CPSF4L: variants seen among roughly 807,000 people sequenced by gnomAD.
The protein encoded by CPSF4L is putative cleavage and polyadenylation specificity factor subunit 4-like protein.
CPSF4L carries 18 observed loss-of-function variants against 24.0 expected under a neutral mutation model. That is an observed-to-expected ratio of 0.75 (90% CI 0.52 to 1.11). The LOEUF (loss-of-function observed/expected upper bound fraction) is 1.11, where lower values mean the gene tolerates loss of function less well. Ranked by LOEUF, CPSF4L falls within the 50% of genes least tolerant of loss-of-function variation. The pLI, the probability that CPSF4L is intolerant of heterozygous loss-of-function variation, is 0.00. For missense variants in CPSF4L, 211 were observed against 221.8 expected (o/e 0.95, Z 0.31); for synonymous variants, 72 against 77.2 (o/e 0.93, Z 0.35).
At chr17:73,248,680 A>G (rs1476067568) in intron 5 of CPSF4L, 144 bp from the exon 6 acceptor site, 2 of 839,220 alleles carry the variant, frequency 2.4e-6, no homozygotes, top group African/African-American at 1.7e-5. Flanking sequence ...TGTTACTACA[A>G]GTTGGGAATA....
chr17:73,242,386 A>C, the CPSF4L span: 6 of 1,403,590 alleles, frequency 4.3e-6, no homozygotes, highest in Non-Finnish European at 5.8e-6. Context: ...CTTCTGTTGC[A>C]GGTTCTGGGC....
rs371092902 is a variant in CPSF4L, at chr17:73,252,758, G to A, written c.404-35C>T. 155 of 1,438,736 alleles carry A rather than the reference G, an allele frequency of 1.1e-4. No individual in the cohort carries two copies. In the African/African-American group the frequency reaches 1.9e-3, roughly 17 times the overall value. 89.1% of individuals were successfully genotyped at this position (1,438,736 alleles called of 1,614,324 possible). A position where few individuals can be genotyped will look rare whatever the true frequency, so the allele number is the denominator to read the frequency against. ...AAAGAGAAAGTGATGAGAAGGATCC[G>A]CTTCAGCAAGAGGGGAAAACACACA... On this transcript the variant is annotated intron_variant, in intron 4 of 5. Coordinates refer to ENST00000344935, the MANE Select transcript of CPSF4L (RefSeq NM_001129885.1).
chr17:73,249,410 G>A (rs948505414), intron 5 of CPSF4L, among the ~76,000 whole-genome samples: 7 of 152,194 alleles, frequency 4.6e-5, no homozygotes, highest in Non-Finnish European at 1.0e-4. Flanking sequence ...GAGGTAGAGT[G>A]ATTTGCCTAC....
At chr17:73,250,182 T>C (rs2061999025) in intron 5 of CPSF4L, 1 of 1,503,216 alleles carries the variant, frequency 6.7e-7, no homozygotes, top group Non-Finnish European at 9.0e-7. Flanking sequence ...ACTGTGGAAC[T>C]TGGGAAACAG....
chr17:73,251,776 C>T (rs1055767717), intron 5 of CPSF4L, among the ~76,000 whole-genome samples: 2 of 152,224 alleles, frequency 1.3e-5, no homozygotes, highest in Non-Finnish European at 2.9e-5. Flanking sequence ...TGTAGTTTAC[C>T]AACCCCTGAC....
At chr17:73,254,423 G>A (rs2062016736) in intron 3 of CPSF4L, among the ~76,000 whole-genome samples, 1 of 152,190 alleles carries the variant, frequency 6.6e-6, no homozygotes, top group Non-Finnish European at 1.5e-5. Flanking sequence ...AACCCATGCT[G>A]CCTGCAGAGC....
chr17:73,242,330 C>T, the CPSF4L span: 3 of 1,595,002 alleles, frequency 1.9e-6, no homozygotes, highest in African/African-American at 2.7e-5. Flanking sequence ...TCTAATGAGG[C>T]TCTTGGGAGC....
Position 73,251,145 on chromosome 17 carries a change from G to A in CPSF4L, c.497+1485C>T, listed in dbSNP as rs1027851142. On this transcript the variant is annotated intron_variant, in intron 5 of 5. Coordinates refer to ENST00000344935, the MANE Select transcript of CPSF4L (RefSeq NM_001129885.1). ...CGTGAGAAAACACCTACTGCAGATA[G>A]TCCCTGTGTGCAGACACCAACTTCA... The A allele has an allele frequency of 4.7e-6, 7 of 1,497,826 alleles. No homozygotes were observed. In the African/African-American group the frequency reaches 9.7e-5, roughly 21 times the overall value. The allele number at this position is 1,497,826 out of a possible 1,614,324, so 92.8% of individuals were successfully genotyped here. A position where few individuals can be genotyped will look rare whatever the true frequency, so the allele number is the denominator to read the frequency against.
At chr17:73,242,192 A>G in the CPSF4L span, 7 of 1,230,050 alleles carry the variant, frequency 5.7e-6, no homozygotes, top group South Asian at 1.3e-5. Flanking sequence ...GATGTTAGGG[A>G]AGGGGGTACG....
downstream of CPSF4L, chr17:73,245,628 C>A (rs75842383): frequency 1.1e-3 from 1,088 of 985,276 alleles, 15 homozygotes; most frequent in East Asian, 0.022. Context: ...GAAAATAAGC[C>A]CACATCAGGC....
chr17:73,258,402 T>C (rs1436428830), intron 2 of CPSF4L, among the ~76,000 whole-genome samples: 1 of 151,946 alleles, frequency 6.6e-6, no homozygotes, highest in Non-Finnish European at 1.5e-5. Context: ...ACCTCCCAGG[T>C]TCAAGTGATC....
chr17:73,261,662 A>C, intron 1 of CPSF4L, 54 bp downstream of exon 1: 3 of 1,266,586 alleles, frequency 2.4e-6, no homozygotes, highest in Non-Finnish European at 3.4e-6. Context: ...CTCCGTCTCA[A>C]AGAAAAAAAA....
Position 73,261,724 on chromosome 17 carries a change from C to A in CPSF4L, c.95G>T (p.Gly32Val). ...QKGTGLLPFQ[G>V]MDKSASAVCN... ...GCCCCACCCTCACTCACTGTCCATG[C>A]CCTGGAAAGGCAGGAGCCCAGTGCC... Residue 32 changes from glycine (G) to valine (V), a missense_variant, in exon 1 of 6, where the codon GGC (glycine) becomes GTC (valine). Gly to Val is a moderately radical substitution (Grantham distance 109, BLOSUM62 -3). Coordinates refer to ENST00000344935, the MANE Select transcript of CPSF4L (RefSeq NM_001129885.1). The A allele has an allele frequency of 1.3e-6, 2 of 1,549,740 alleles. No individual in the cohort carries two copies. The highest frequency in any genetic ancestry group is 8.7e-7 in the Non-Finnish European group (1 of 1,145,216).
intron 5 of CPSF4L, chr17:73,250,345 C>G: frequency 1.3e-6 from 2 of 1,549,360 alleles, no homozygotes; most frequent in Non-Finnish European, 1.7e-6. Flanking sequence ...TTTGTAAATT[C>G]AGATTTCTAA....
upstream of CPSF4L, among the ~76,000 whole-genome samples, chr17:73,263,678 G>A (rs901963936): frequency 1.3e-5 from 2 of 151,390 alleles, no homozygotes; most frequent in African/African-American, 4.9e-5. Flanking sequence ...GGCCAGCTTT[G>A]GGGGGAAGTG....
chr17:73,261,086 G>C, intron 1 of CPSF4L, 103 bp from the exon 2 acceptor site: 1 of 945,776 alleles, frequency 1.1e-6, no homozygotes. Context: ...CCTCCCCCAG[G>C]CTCTGGCCTA....
At chr17:73,255,122 C>T (rs1325703795) in intron 3 of CPSF4L, among the ~76,000 whole-genome samples, 2 of 152,062 alleles carry the variant, frequency 1.3e-5, no homozygotes, top group Non-Finnish European at 2.9e-5. Flanking sequence ...AGCGTCGTAG[C>T]GTCTATTCCA....
downstream of CPSF4L, chr17:73,248,169 T>C (rs7218121): frequency 0.026 from 7,680 of 291,356 alleles, 401 homozygotes; most frequent in African/African-American, 0.12. Flanking sequence ...AAAATTCCTA[T>C]CAGTTCATTT....
At chr17:73,245,505 C>T (rs2291846), downstream of CPSF4L, 523,495 of 984,986 alleles carry the variant, frequency 0.53, 139,339 homozygotes, top group East Asian at 0.62. Flanking sequence ...AAGTTCATCA[C>T]TAAAATTAAG....
Sources: gnomAD v4.1 joint callset for allele counts (sites outside exome capture counted in the v4.1 genomes callset) on GRCh38, gnomAD v4.1.1 for gene constraint, MANE v1.5 for transcripts, NCBI Gene and HGNC (gene_info 2026-07-23, HGNC 2026-07-21) for gene names.